Variants in SCUBE1 observed in about 807,000 individuals in gnomAD.
The protein encoded by SCUBE1 is signal peptide, CUB domain and EGF like domain containing 1.
Under a neutral mutation model 124.4 loss-of-function variants are expected in SCUBE1, and 59 were observed. The ratio of observed to expected loss-of-function variants is 0.47; its 90% CI spans 0.38 to 0.59. SCUBE1 has a LOEUF of 0.59. Ranked by LOEUF, SCUBE1 falls within the 20% of genes least tolerant of loss-of-function variation. The pLI is 0.00. For synonymous variants in SCUBE1, 545 were observed against 550.9 expected, an observed-to-expected ratio of 0.99 and a Z score of 0.15; for missense variants, 1,150 against 1,371.2, an observed-to-expected ratio of 0.84 and a Z score of 2.55.
Position 43,210,362 on chromosome 22 carries a change from C to A in SCUBE1, c.2384-122G>T. On this transcript the variant is annotated intron_variant, in intron 18 of 21. Transcript: ENST00000360835. This position sits in a 1 kb window ranked among gnomAD's most constrained non-coding sequence, Gnocchi z 4.5. The stretch of plus-strand genomic sequence containing the variant: ...TGGAAGGTGCTCTTGTCCCCCCCCA[C>A]ACTAGCCCTCGGACCCTGAGCCCAT... 1.2e-6 allele frequency: 1 copy of A among 806,670 alleles called. No individual in the cohort carries two copies. Among genetic ancestry groups the A allele is most frequent in the Non-Finnish European group, 1.8e-6 (1 of 549,778 alleles). The allele number at this position is 806,670 out of a possible 1,614,324, so 50.0% of individuals were successfully genotyped here.
intron 2 of SCUBE1, among the ~76,000 whole-genome samples, chr22:43,332,603 C>G (rs1270135042): frequency 6.6e-6 from 1 of 152,132 alleles, no homozygotes; most frequent in East Asian, 1.9e-4. Flanking sequence ...AGCTGGGAGG[C>G]CTGGCTAGAG....
chr22:43,270,967 T>TCGAG (rs2146721785), intron 4 of SCUBE1, among the ~76,000 whole-genome samples: 1 of 152,316 alleles, frequency 6.6e-6, no homozygotes, highest in Admixed American at 6.5e-5. Flanking sequence ...TTGTCCTTCT[T>TCGAG]CGAGCCCTGG....
Position 43,211,013 on chromosome 22 carries a change from G to C in SCUBE1, c.2292C>G (p.Tyr764Ter). The stretch of plus-strand genomic sequence containing the variant: ...AGTGGTTCTGGCCAAACTCGGGCTG[G>C]TAGGTGCCGACGGGGCAGCGGATGC... ...HRCIRCPVGT[Y>*]QPEFGQNHCI... Residue 764 changes from tyrosine (Y) to a stop codon, truncating the protein, a stop_gained, in exon 18 of 22, where the codon TAC becomes TAG. Coordinates refer to ENST00000360835, the MANE Select transcript of SCUBE1 (RefSeq NM_173050.5). LOFTEE classifies it high-confidence loss of function. The surrounding 1 kb of genome is among the most constrained non-coding windows in gnomAD (Gnocchi z 4.5). The C allele has an allele frequency of 6.2e-7, 1 of 1,614,158 alleles. No homozygotes were observed. The highest frequency in any genetic ancestry group is 8.5e-7 in the Non-Finnish European group (1 of 1,180,024).
Position 43,204,063 on chromosome 22 carries a change from C to T in SCUBE1, c.2901G>A (p.Met967Ile), listed in dbSNP as rs1412949444. ...FKYTAQESKE[M>I]FPRSFIKLLR... The stretch of plus-strand genomic sequence containing the variant: ...GCAGTTTGATGAAGGACCGTGGGAA[C>T]ATCTCCTTGGATTCCTGGGCTGTGT... The change falls in exon 22 of 22, where the codon ATG becomes ATA. Residue 967 changes from methionine to isoleucine, a missense_variant. Transcript: ENST00000360835. 1.4e-5 allele frequency: 22 copies of T among 1,614,020 alleles called. No individual in the cohort carries two copies. The highest frequency in any genetic ancestry group is 2.7e-5 in the African/African-American group (2 of 74,916).
intron 4 of SCUBE1, among the ~76,000 whole-genome samples, chr22:43,263,498 A>C (rs1923948756): frequency 6.6e-6 from 1 of 152,200 alleles, no homozygotes. Context: ...CTCAGGCAGG[A>C]GTGAAGCCGG....
At chr22:43,290,947 T>G (rs2146751539) in intron 4 of SCUBE1, 99 bp downstream of exon 4, 1 of 1,369,870 alleles carries the variant, frequency 7.3e-7, no homozygotes, top group Middle Eastern at 2.6e-4. Flanking sequence ...ATTCCCTGCC[T>G]TGACCTTGAG....
chr22:43,308,999 C>A (rs1360808258), intron 3 of SCUBE1, among the ~76,000 whole-genome samples: 1 of 152,254 alleles, frequency 6.6e-6, no homozygotes, highest in African/African-American at 2.4e-5. Flanking sequence ...AGAACCAGCG[C>A]AAGAGGCTGG....
At chr22:43,207,968 G>A in intron 20 of SCUBE1, 104 bp downstream of exon 20, 1 of 1,296,818 alleles carries the variant, frequency 7.7e-7, no homozygotes, top group South Asian at 1.3e-5. Flanking sequence ...GTCTGTACCT[G>A]CCAGGTCGCA....
chr22:43,230,888 A>G (rs1922524426), intron 8 of SCUBE1, among the ~76,000 whole-genome samples: 1 of 152,104 alleles, frequency 6.6e-6, no homozygotes, highest in South Asian at 2.1e-4. Context: ...CCTGAGCTGC[A>G]CTGACAGGCA....
chr22:43,241,499 T>G (rs1923004761), intron 6 of SCUBE1, among the ~76,000 whole-genome samples: 1 of 152,112 alleles, frequency 6.6e-6, no homozygotes, highest in South Asian at 2.1e-4. Flanking sequence ...TTGCGGGCAG[T>G]GACCCACCTG....
rs549359824 is a variant in SCUBE1, at chr22:43,285,275, T to C, written c.484+5771A>G. ...CGACCTGAGGGCGCTGTGAACTGAG[T>C]GCTGTCCCGACGCTCCTCAGTGTCC... On this transcript the variant is annotated intron_variant, in intron 4 of 21. Transcript: ENST00000360835. Among the ~76,000 whole-genome samples, 4 of 152,172 alleles carry C rather than the reference T, an allele frequency of 2.6e-5. No individual in the cohort carries two copies. In the East Asian group the frequency reaches 5.8e-4, roughly 22 times the overall value.
chr22:43,254,780 G>A (rs760486790), intron 6 of SCUBE1, among the ~76,000 whole-genome samples: 6 of 152,246 alleles, frequency 3.9e-5, no homozygotes, highest in East Asian at 1.9e-4. Flanking sequence ...CAGCAGAACC[G>A]ACTGATAGAG....
chr22:43,298,943 T>C (rs9612036), intron 3 of SCUBE1, among the ~76,000 whole-genome samples: 14,150 of 151,794 alleles, frequency 0.093, 1,383 homozygotes, highest in African/African-American at 0.25. Flanking sequence ...TCCCAGCTGC[T>C]TGGGAGGCTG....
At chr22:43,321,797 C>CA in intron 2 of SCUBE1, among the ~76,000 whole-genome samples, 1 of 152,330 alleles carries the variant, frequency 6.6e-6, no homozygotes, top group South Asian at 2.1e-4. Flanking sequence ...AGGCTGGACT[C>CA]AAACTCCTGG....
Position 43,252,987 on chromosome 22 carries a change from G to A in SCUBE1, c.727+5232C>T, listed in dbSNP as rs575144651. 3.3e-4 allele frequency among the ~76,000 whole-genome samples: 49 copies of A among 146,846 alleles called. 1 individual carries two copies. In the South Asian group the frequency reaches 8.9e-3, roughly 27 times the overall value. ...TATACCTTGCCTCTATTAATAAAAC[G>A]TGGGGGCAGGATGGGAACGGTCACC... On this transcript the variant is annotated intron_variant, in intron 6 of 21. Coordinates refer to ENST00000360835, the MANE Select transcript of SCUBE1 (RefSeq NM_173050.5).
rs1013354042 is a variant in SCUBE1, at chr22:43,340,446, A to T, written c.89-1211T>A. ...AAAATAGATTCTGTGTATCCATTCC[A>T]TCTATACACCCCAAGCCTCTCTCCT... is the stretch of plus-strand genomic sequence containing the variant. On this transcript the variant is annotated intron_variant, in intron 1 of 21. Coordinates refer to ENST00000360835, the MANE Select transcript of SCUBE1 (RefSeq NM_173050.5). 2.0e-5 allele frequency among the ~76,000 whole-genome samples: 3 copies of T among 149,794 alleles called. No individual in the cohort carries two copies. In the Admixed American group the frequency reaches 2.0e-4, roughly 10 times the overall value.
chr22:43,271,453 G>A (rs913451552), intron 4 of SCUBE1, among the ~76,000 whole-genome samples: 2 of 152,170 alleles, frequency 1.3e-5, no homozygotes, highest in Non-Finnish European at 1.5e-5. Context: ...GGACTGTGTC[G>A]GAACAGGGGC....
intron 9 of SCUBE1, 51 bp from the exon 10 acceptor site, chr22:43,227,547 T>A (rs1922374442): frequency 6.3e-7 from 1 of 1,591,510 alleles, no homozygotes. Flanking sequence ...GGCTGGCGGC[T>A]GGCAGGGGAA....
chr22:43,252,354 G>A (rs538611270), intron 6 of SCUBE1, among the ~76,000 whole-genome samples: 309 of 152,312 alleles, frequency 2.0e-3, no homozygotes, highest in African/African-American at 7.1e-3. Context: ...CCTCTGAGCC[G>A]CAGTGTCCTC....
Sources: gnomAD v4.1 joint callset for allele counts (sites outside exome capture counted in the v4.1 genomes callset) on GRCh38, gnomAD v4.1.1 for gene constraint, Gnocchi (gnomAD v3.1) non-coding constraint, MANE v1.5 for transcripts, NCBI Gene and HGNC (gene_info 2026-07-23, HGNC 2026-07-21) for gene names.